SYNE2: variants seen among roughly 807,000 people sequenced by gnomAD.
The protein encoded by SYNE2 is nesprin-2.
A neutral mutation model predicts 856.3 loss-of-function variants in SYNE2; 431 were observed. That is an observed-to-expected ratio of 0.50 (90% CI 0.47 to 0.55). The LOEUF (loss-of-function observed/expected upper bound fraction) is 0.55, where lower values mean the gene tolerates loss of function less well. Among genes scored for constraint, SYNE2 ranks in the 20% least tolerant of loss-of-function variants. The probability of loss-of-function intolerance (pLI) is 0.00; values close to 1 mark genes in which losing one functional copy is unlikely to be tolerated. For synonymous variants in SYNE2, 2,923 were observed against 2,872.3 expected, an observed-to-expected ratio of 1.02 and a Z score of -0.56; for missense variants, 8,129 against 8,023.2, an observed-to-expected ratio of 1.01 and a Z score of -0.50.
intron 99 of SYNE2, among the ~76,000 whole-genome samples, chr14:64,199,770 C>T (rs1280892118): frequency 1.3e-5 from 2 of 151,278 alleles, no homozygotes; most frequent in African/African-American, 4.9e-5. Context: ...CACAACAGGC[C>T]TAGCACATGT....
chr14:64,009,336 G>C (rs371733027), intron 31 of SYNE2, among the ~76,000 whole-genome samples: 1 of 152,028 alleles, frequency 6.6e-6, no homozygotes, highest in African/African-American at 2.4e-5. Context: ...AGGAGTTCAC[G>C]ACCAGCCCGG....
intron 11 of SYNE2, among the ~76,000 whole-genome samples, chr14:63,971,636 T>A (rs574649794): frequency 6.6e-6 from 1 of 151,830 alleles, no homozygotes; most frequent in Admixed American, 6.6e-5. Context: ...AATGAAAAAA[T>A]TAATCTTTTA....
chr14:63,880,399 T>C (rs1041847035), intron 1 of SYNE2, among the ~76,000 whole-genome samples: 1 of 152,142 alleles, frequency 6.6e-6, no homozygotes, highest in Non-Finnish European at 1.5e-5. Context: ...GCTGAAGTAG[T>C]TTTAAAAAAA....
intron 1 of SYNE2, among the ~76,000 whole-genome samples, chr14:63,770,167 T>C (rs944111650): frequency 3.3e-5 from 5 of 152,082 alleles, no homozygotes; most frequent in African/African-American, 1.2e-4. Context: ...TTTCATCTCA[T>C]GATGTCTTAT....
At chr14:63,768,189 C>CAAA (rs879394744) in intron 1 of SYNE2, among the ~76,000 whole-genome samples, 1 of 137,058 alleles carries the variant, frequency 7.3e-6, no homozygotes. Flanking sequence ...GACCATGTCT[C>CAAA]AAAAAAAAAA....
chr14:63,963,741 A>C (rs2096352830), intron 9 of SYNE2, among the ~76,000 whole-genome samples, 158 bp from the exon 10 acceptor site: 1 of 152,192 alleles, frequency 6.6e-6, no homozygotes. Context: ...TTTAAAATTT[A>C]AGGTGTTATG....
chr14:63,903,797 A>G (rs2357002), intron 1 of SYNE2, among the ~76,000 whole-genome samples: 94,035 of 150,852 alleles, frequency 0.62, 30,213 homozygotes, highest in South Asian at 0.77. Context: ...TTAATATTCA[A>G]TGAAATGGCC....
Position 64,202,907 on chromosome 14 carries a change from G to C in SYNE2, c.18145G>C (p.Val6049Leu). Residue 6049 changes from valine to leucine, a missense_variant, in exon 100 of 116, where the codon GTT becomes CTT. Physicochemically the swap from Val to Leu is conservative, Grantham distance 32. Coordinates refer to ENST00000555002, the MANE Select transcript of SYNE2 (RefSeq NM_182914.3). Reference sequence around the variant, plus strand: ...AATTGAGTCTGAGCTTTCCAAGCCTGTTGTTTATGATGTCTGCGATGATCA... The same window carrying C: ...AATTGAGTCTGAGCTTTCCAAGCCTCTTGTTTATGATGTCTGCGATGATCA... The part of the protein sequence containing the change: ...ARIESELSKP[V>L]VYDVCDDQEI... 1.2e-6 allele frequency: 2 copies of C among 1,614,214 alleles called. No homozygotes were observed. Among genetic ancestry groups the C allele is most frequent in the Non-Finnish European group, 8.5e-7 (1 of 1,180,030 alleles).
At chr14:63,980,948 T>A (rs2096581029) in intron 15 of SYNE2, 38 bp from the exon 16 acceptor site, 2 of 1,410,330 alleles carry the variant, frequency 1.4e-6, no homozygotes, top group Non-Finnish European at 2.0e-6. Flanking sequence ...TAAAAAATTG[T>A]TTTCTAAGAT....
At chr14:64,165,530 T>TTTTTTTTTG (rs1452878147) in intron 90 of SYNE2, 120 bp downstream of exon 90, 1 of 1,096,910 alleles carries the variant, frequency 9.1e-7, no homozygotes, top group African/African-American at 1.6e-5. Flanking sequence ...TTTTTTTTTT[T>TTTTTTTTTG]GAGACGGACT....
chr14:64,185,676 G>A (rs910704613), intron 96 of SYNE2, among the ~76,000 whole-genome samples: 4 of 151,628 alleles, frequency 2.6e-5, no homozygotes, highest in Admixed American at 1.3e-4. Context: ...GCGCGCCACC[G>A]CACCCAGCTA....
At chr14:64,222,303 A>G (rs1423513636) in intron 112 of SYNE2, among the ~76,000 whole-genome samples, 2 of 152,274 alleles carry the variant, frequency 1.3e-5, no homozygotes, top group Non-Finnish European at 2.9e-5. Context: ...GTCCAGTAGA[A>G]CTTTCTGAAG....
chr14:64,042,319 G>T (rs1348769519), intron 45 of SYNE2, among the ~76,000 whole-genome samples: 3 of 152,204 alleles, frequency 2.0e-5, no homozygotes, highest in African/African-American at 4.8e-5. Context: ...ATAAAAGTGT[G>T]TGTATAGACT....
intron 78 of SYNE2, among the ~76,000 whole-genome samples, chr14:64,135,368 A>G (rs778904396): frequency 6.6e-6 from 1 of 152,050 alleles, no homozygotes; most frequent in Non-Finnish European, 1.5e-5. Flanking sequence ...TATAAGGAAC[A>G]TTTTCCAGAG....
chr14:63,906,712 C>T (rs1335313801), intron 1 of SYNE2, among the ~76,000 whole-genome samples: 3 of 152,188 alleles, frequency 2.0e-5, no homozygotes, highest in East Asian at 3.8e-4. Context: ...ATTCAAGGTA[C>T]TGTCCAAATA....
intron 66 of SYNE2, among the ~76,000 whole-genome samples, chr14:64,119,095 T>G (rs2097877901): frequency 6.6e-6 from 1 of 152,170 alleles, no homozygotes; most frequent in Non-Finnish European, 1.5e-5. Context: ...AGGACTGGGA[T>G]CTGAAACCAG....
At chr14:63,912,756 T>C (rs2095487786) in intron 2 of SYNE2, among the ~76,000 whole-genome samples, 2 of 152,212 alleles carry the variant, frequency 1.3e-5, no homozygotes, top group African/African-American at 4.8e-5. Flanking sequence ...ATCATTAATA[T>C]GCTATGAAAG....
intron 1 of SYNE2, among the ~76,000 whole-genome samples, chr14:63,770,045 C>T (rs978393414): frequency 1.3e-5 from 2 of 152,084 alleles, no homozygotes; most frequent in African/African-American, 4.8e-5. Context: ...TCCCAAGTAG[C>T]TGGGACCACA....
At chr14:64,116,867 TAAAATG>T in intron 66 of SYNE2, among the ~76,000 whole-genome samples, 4 of 152,270 alleles carry the variant, frequency 2.6e-5, no homozygotes, top group Admixed American at 2.6e-4. Context: ...TTGTAGCTGT[TAAAATG>T]AAAATCATGA....
Sources: allele counts gnomAD v4.1 joint callset (sites outside exome capture counted in the v4.1 genomes callset), GRCh38; gene constraint gnomAD v4.1.1; transcripts MANE v1.5; gene names NCBI Gene and HGNC (gene_info 2026-07-23, HGNC 2026-07-21).